Variants in WWOX observed in about 807,000 individuals in gnomAD.
The protein encoded by WWOX is WW domain containing oxidoreductase.
Under a neutral mutation model 46.2 loss-of-function variants are expected in WWOX, and 69 were observed. The observed-to-expected ratio is 1.49, with a 90% CI of 1.23 to 1.82. The LOEUF is 1.82. WWOX is among the 40% of genes most tolerant of loss of function. The pLI is 0.00. For synonymous variants in WWOX, 359 were observed against 202.6 expected (o/e 1.77, Z -6.56); for missense variants, 919 against 542.6 (o/e 1.69, Z -6.89).
intron 8 of WWOX, among the ~76,000 whole-genome samples, chr16:79,020,682 A>G (rs1337653552): frequency 6.6e-6 from 1 of 152,152 alleles, no homozygotes; most frequent in Non-Finnish European, 1.5e-5. Flanking sequence ...CAGACAAAAG[A>G]AGGGAGAGTG....
intron 5 of WWOX, chr16:78,270,529 A>G (rs558607790): frequency 1.3e-4 from 20 of 152,310 alleles, no homozygotes; most frequent in Admixed American, 4.6e-4. Context: ...TCCCTGTGGG[A>G]CTAGGGGCCA....
chr16:78,863,108 C>A (rs1201903009), intron 8 of WWOX, among the ~76,000 whole-genome samples: 1 of 151,874 alleles, frequency 6.6e-6, no homozygotes, highest in African/African-American at 2.4e-5. Flanking sequence ...ACAGGCGCCA[C>A]CACCAAGCCT....
At chr16:78,276,884 C>T (rs1490723742) in intron 5 of WWOX, among the ~76,000 whole-genome samples, 2 of 152,194 alleles carry the variant, frequency 1.3e-5, no homozygotes, top group African/African-American at 4.8e-5. Context: ...TAATTTTTCA[C>T]AGGCTTGTGA....
chr16:78,949,431 A>C (rs1470761474), intron 8 of WWOX, among the ~76,000 whole-genome samples: 2 of 152,112 alleles, frequency 1.3e-5, no homozygotes, highest in African/African-American at 4.8e-5. Flanking sequence ...TTCCTCCTAC[A>C]ACCTGGACTT....
At chr16:78,859,063 T>C (rs1224612275) in intron 8 of WWOX, among the ~76,000 whole-genome samples, 36 of 89,114 alleles carry the variant, frequency 4.0e-4, no homozygotes, top group African/African-American at 1.5e-3. Flanking sequence ...TATATATATA[T>C]ATATATATAT....
chr16:78,445,393 G>A (rs1004990708), intron 8 of WWOX, among the ~76,000 whole-genome samples: 1 of 152,140 alleles, frequency 6.6e-6, no homozygotes, highest in African/African-American at 2.4e-5. Context: ...AAATATTATT[G>A]AGCATCTAAC....
At chr16:78,185,711 G>A (rs548249815) in intron 5 of WWOX, among the ~76,000 whole-genome samples, 1 of 152,192 alleles carries the variant, frequency 6.6e-6, no homozygotes, top group South Asian at 2.1e-4. Context: ...CTGTTACCCA[G>A]GCTAGAGTAC....
chr16:78,339,236 C>T lies in WWOX; in HGVS notation c.517-47624C>T, dbSNP rs866897717. ...CATGTAGCATATCAAGATTATTTTT[C>T]TTTCCTGCACCTTATTTTTTCCCTG... On this transcript the variant is annotated intron_variant, in intron 5 of 8. Coordinates refer to ENST00000566780, the MANE Select transcript of WWOX (RefSeq NM_016373.4). Among the ~76,000 whole-genome samples the T allele has an allele frequency of 3.4e-5, 4 of 118,562 alleles. 1 individual carries two copies. The highest frequency in any genetic ancestry group is 8.0e-5 in the Non-Finnish European group (4 of 49,940). The allele number at this position is 118,562 out of a possible 152,430, so 77.8% of individuals were successfully genotyped here. A position where few individuals can be genotyped will look rare whatever the true frequency, so the allele number is the denominator to read the frequency against.
chr16:79,024,764 G>T (rs923431887), intron 8 of WWOX, among the ~76,000 whole-genome samples: 2 of 152,104 alleles, frequency 1.3e-5, no homozygotes, highest in South Asian at 2.1e-4. Flanking sequence ...TGGAGACAGG[G>T]TCTCACCTTG....
intron 8 of WWOX, among the ~76,000 whole-genome samples, chr16:78,971,464 AAAAAAAAAAAGAG>A (rs2046468426): frequency 6.7e-6 from 1 of 148,742 alleles, no homozygotes; most frequent in African/African-American, 2.6e-5. Flanking sequence ...AAAAAAAAAA[AAAAAAAAAAAGAG>A]AGAGATAGGC....
chr16:79,115,984 T>G (rs1042828458), intron 8 of WWOX, among the ~76,000 whole-genome samples: 6 of 152,208 alleles, frequency 3.9e-5, no homozygotes, highest in African/African-American at 1.2e-4. Context: ...GCAAGTCACA[T>G]GAATTTTGGA....
chr16:78,645,050 G>T (rs1327557674), intron 8 of WWOX, among the ~76,000 whole-genome samples: 1 of 152,190 alleles, frequency 6.6e-6, no homozygotes, highest in Non-Finnish European at 1.5e-5. Context: ...AAGTTGGGTT[G>T]CATTGCATAG....
chr16:78,808,733 G>A (rs889334699), intron 8 of WWOX, among the ~76,000 whole-genome samples: 4 of 152,104 alleles, frequency 2.6e-5, no homozygotes, highest in Non-Finnish European at 4.4e-5. Context: ...AATATCCTAC[G>A]TCAAAGATGA....
intron 8 of WWOX, among the ~76,000 whole-genome samples, chr16:78,672,617 A>C (rs2047493979): frequency 6.6e-6 from 1 of 152,244 alleles, no homozygotes; most frequent in East Asian, 1.9e-4. Context: ...CAACTTGCAG[A>C]ACCAGATCTT....
intron 8 of WWOX, chr16:79,203,881 T>C (rs1012296658): frequency 1.3e-5 from 2 of 152,192 alleles, no homozygotes; most frequent in Non-Finnish European, 2.9e-5. Context: ...GCTATAACCA[T>C]AACAGAGGTT....
At position 78,352,905 on chromosome 16, in the gene WWOX, A is replaced by C. The variant is rs531070645; in HGVS notation, c.517-33955A>C. The stretch of plus-strand genomic sequence containing the variant: ...AAGAAACTGGATAGGAGTATAGAGA[A>C]AAGATCAATCATAGCACTAGCTTAT... On this transcript the variant is annotated intron_variant, in intron 5 of 8. Coordinates refer to ENST00000566780, the MANE Select transcript of WWOX (RefSeq NM_016373.4). Among the ~76,000 whole-genome samples the C allele has an allele frequency of 8.5e-5, 13 of 152,344 alleles. No individual in the cohort carries two copies. In the East Asian group the frequency reaches 2.3e-3, roughly 27 times the overall value.
intron 8 of WWOX, among the ~76,000 whole-genome samples, chr16:78,505,544 G>A (rs1163148618): frequency 6.6e-6 from 1 of 152,140 alleles, no homozygotes; most frequent in Non-Finnish European, 1.5e-5. Flanking sequence ...GACTCTGCTG[G>A]GCTCTAGAGA....
chr16:78,770,598 C>A (rs1034911522), intron 8 of WWOX, among the ~76,000 whole-genome samples: 1 of 152,148 alleles, frequency 6.6e-6, no homozygotes, highest in Non-Finnish European at 1.5e-5. Flanking sequence ...GTGGGAGGTG[C>A]CTACCAAGGA....
chr16:78,149,829 C>A (rs8047454), intron 4 of WWOX, among the ~76,000 whole-genome samples: 86,442 of 151,970 alleles, frequency 0.57, 24,632 homozygotes, highest in African/African-American at 0.6. Context: ...CTCCTGCCTC[C>A]AGGAGCTGCT....
Sources: allele counts gnomAD v4.1 joint callset (sites outside exome capture counted in the v4.1 genomes callset), GRCh38; gene constraint gnomAD v4.1.1; transcripts MANE v1.5; gene names NCBI Gene and HGNC (gene_info 2026-07-23, HGNC 2026-07-21).